Variants in MREG observed in about 807,000 individuals in gnomAD.
MREG encodes the protein melanoregulin.
A neutral mutation model predicts 28.5 loss-of-function variants in MREG; 31 were observed. The ratio of observed to expected loss-of-function variants is 1.09; its 90% CI spans 0.82 to 1.47. The LOEUF (loss-of-function observed/expected upper bound fraction) is 1.47. Among genes scored for constraint, MREG ranks in the 40% most tolerant of loss-of-function variants. The pLI is 0.00. For synonymous variants in MREG, 106 were observed against 95.2 expected (o/e 1.11, Z -0.66); for missense variants, 256 against 257.4 (o/e 0.99, Z 0.04).
chr2:216,007,939 A>G (rs942973318), intron 1 of MREG, among the ~76,000 whole-genome samples: 1 of 152,192 alleles, frequency 6.6e-6, no homozygotes, highest in African/African-American at 2.4e-5. Context: ...AAACACATAA[A>G]AAAAGTTATG....
intron 1 of MREG, among the ~76,000 whole-genome samples, chr2:216,030,725 C>CT (rs549744417): frequency 0.48 from 70,151 of 144,666 alleles, 17,804 homozygotes; most frequent in Admixed American, 0.55. Context: ...GTATTTCTTT[C>CT]TTTCTTTTTT....
At position 215,942,985 on chromosome 2, in the gene MREG, C is replaced by G. The variant is rs1277256753; in HGVS notation, c.*1878G>C. 1.3e-5 allele frequency: 2 copies of G among 152,736 alleles called. No homozygotes were observed. The highest frequency in any genetic ancestry group is 2.9e-5 in the Non-Finnish European group (2 of 68,124). The allele number at this position is 152,736 out of a possible 1,614,324, so 9.5% of individuals were successfully genotyped here. ...AACTAGGAAGAATTTTCCTGAAACA[C>G]AGCAGTTAAATTGGTCTACAATGCA... is the stretch of plus-strand genomic sequence containing the variant. On this transcript the variant is annotated 3_prime_UTR_variant, in exon 5 of 5. Coordinates refer to ENST00000263268, the MANE Select transcript of MREG (RefSeq NM_018000.3).
At position 215,944,800 on chromosome 2, in the gene MREG, C is replaced by T. The variant is rs750162975; in HGVS notation, c.*63G>A. 4.7e-6 allele frequency: 7 copies of T among 1,488,804 alleles called. No homozygotes were observed. Among genetic ancestry groups the T allele is most frequent in the Non-Finnish European group, 6.4e-6 (7 of 1,098,456 alleles). 92.2% of individuals were successfully genotyped at this position (1,488,804 alleles called of 1,614,324 possible). A position where few individuals can be genotyped will look rare whatever the true frequency, so the allele number is the denominator to read the frequency against. On this transcript the variant is annotated 3_prime_UTR_variant, in exon 5 of 5. Coordinates refer to ENST00000263268, the MANE Select transcript of MREG (RefSeq NM_018000.3). ...CTCACTCTCTTCTACATGTAATTGT[C>T]CAACTTTGGTTGACTGCTGAGTCCT...
At chr2:216,032,009 A>G (rs1694718218) in intron 1 of MREG, among the ~76,000 whole-genome samples, 1 of 152,252 alleles carries the variant, frequency 6.6e-6, no homozygotes, top group South Asian at 2.1e-4. Flanking sequence ...TTCTTGGTTC[A>G]TCTGAGAACA....
At position 215,996,301 on chromosome 2, in the gene MREG, C is replaced by CAAAG; in HGVS notation, c.255+4_255+5insCTTT. On this transcript the variant is annotated splice_donor_region_variant and intron_variant, in intron 2 of 4. Transcript: ENST00000263268. Reference sequence around the variant, plus strand: ...GCGCACAGCAAGACATCAAAAGGTGCTCACCTCTGAGTCTTTGGCCTGCTG... The same window carrying CAAAG: ...GCGCACAGCAAGACATCAAAAGGTGCAAAGTCACCTCTGAGTCTTTGGCCTGCTG... 6.2e-7 allele frequency: 1 copy of CAAAG among 1,611,982 alleles called. No homozygotes were observed. Among genetic ancestry groups the CAAAG allele is most frequent in the Non-Finnish European group, 8.5e-7 (1 of 1,179,370 alleles).
chr2:215,964,301 T>C (rs1324458446), intron 2 of MREG, among the ~76,000 whole-genome samples: 2 of 152,040 alleles, frequency 1.3e-5, no homozygotes, highest in East Asian at 3.9e-4. Flanking sequence ...CTGGCCAACA[T>C]GGTGAAACCC....
chr2:215,952,802 T>C (rs991331886), intron 2 of MREG, among the ~76,000 whole-genome samples: 1 of 152,136 alleles, frequency 6.6e-6, no homozygotes, highest in Non-Finnish European at 1.5e-5. Context: ...TCCTCAGAGA[T>C]AGCTATTGTT....
chr2:215,950,690 T>C (rs1036433608), intron 2 of MREG, among the ~76,000 whole-genome samples: 6 of 152,226 alleles, frequency 3.9e-5, no homozygotes, highest in African/African-American at 1.4e-4. Flanking sequence ...CTAAAACCAG[T>C]AGAAGCATTG....
intron 1 of MREG, among the ~76,000 whole-genome samples, chr2:216,028,411 C>T (rs1694629029): frequency 6.6e-6 from 1 of 151,728 alleles, no homozygotes; most frequent in Admixed American, 6.6e-5. Context: ...ACCTGTAGTC[C>T]CAGCTACTCG....
intron 1 of MREG, among the ~76,000 whole-genome samples, chr2:216,024,932 G>A (rs1466745681): frequency 1.4e-4 from 10 of 73,668 alleles, no homozygotes; most frequent in African/African-American, 2.6e-4. Flanking sequence ...AAAAAGGAAC[G>A]GAAAGGAAGG....
downstream of MREG, among the ~76,000 whole-genome samples, chr2:215,940,111 C>T (rs1553545333): frequency 1.3e-5 from 2 of 152,158 alleles, no homozygotes; most frequent in Non-Finnish European, 2.9e-5. Flanking sequence ...AATCTGGTTG[C>T]CTGACTTAGT....
intron 2 of MREG, among the ~76,000 whole-genome samples, chr2:215,957,808 G>T (rs967064224): frequency 6.6e-6 from 1 of 152,062 alleles, no homozygotes; most frequent in African/African-American, 2.4e-5. Context: ...ATGCTTGTGA[G>T]ATTACAGCTT....
At chr2:216,007,078 G>A (rs778526549) in intron 1 of MREG, among the ~76,000 whole-genome samples, 3 of 152,148 alleles carry the variant, frequency 2.0e-5, no homozygotes, top group African/African-American at 7.2e-5. Flanking sequence ...GTTCGACCAC[G>A]TGTGCCTCTA....
At chr2:215,951,869 T>G (rs1406707932) in intron 2 of MREG, among the ~76,000 whole-genome samples, 3 of 152,214 alleles carry the variant, frequency 2.0e-5, no homozygotes, top group Admixed American at 1.3e-4. Context: ...CTCAGATCAC[T>G]TTCTCATGCA....
In MREG at chr2:215,944,827, A is replaced by G. The variant is rs1334643166; in HGVS notation, c.*36T>C. 1 of 1,556,028 alleles carries G rather than the reference A, an allele frequency of 6.4e-7. No individual in the cohort carries two copies. Among genetic ancestry groups the G allele is most frequent in the Non-Finnish European group, 8.8e-7 (1 of 1,137,508 alleles). Reference sequence around the variant, plus strand: ...AACTTTGGTTGACTGCTGAGTCCTCATGGAAGAATTCCCATTCTGCCCCTG... The same window carrying G: ...AACTTTGGTTGACTGCTGAGTCCTCGTGGAAGAATTCCCATTCTGCCCCTG... On this transcript the variant is annotated 3_prime_UTR_variant, in exon 5 of 5. Coordinates refer to ENST00000263268, the MANE Select transcript of MREG (RefSeq NM_018000.3).
intron 2 of MREG, among the ~76,000 whole-genome samples, chr2:215,980,609 T>G (rs1693399158): frequency 6.6e-6 from 1 of 152,172 alleles, no homozygotes; most frequent in South Asian, 2.1e-4. Flanking sequence ...GTCAGCTATT[T>G]TTTTATTGAG....
Position 215,985,712 on chromosome 2 carries a change from T to C in MREG, c.255+10594A>G, listed in dbSNP as rs543538739. ...AGGAGAATGCAGATTGTACATACAC[T>C]GTCTTGAATTTATTTGTTATCATTC... On this transcript the variant is annotated intron_variant, in intron 2 of 4. Coordinates refer to ENST00000263268, the MANE Select transcript of MREG (RefSeq NM_018000.3). Among the ~76,000 whole-genome samples, 8 of 152,346 alleles carry C rather than the reference T, an allele frequency of 5.3e-5. No homozygotes were observed. The South Asian group carries it at 1.7e-3, about 32-fold the overall frequency.
At chr2:215,960,277 A>T (rs982852794) in intron 2 of MREG, among the ~76,000 whole-genome samples, 4 of 152,142 alleles carry the variant, frequency 2.6e-5, no homozygotes, top group African/African-American at 7.2e-5. Flanking sequence ...TACAATAGGT[A>T]TCTATAATGT....
At chr2:216,003,289 T>G (rs571119939) in intron 1 of MREG, among the ~76,000 whole-genome samples, 1 of 152,132 alleles carries the variant, frequency 6.6e-6, no homozygotes, top group Non-Finnish European at 1.5e-5. Context: ...CCCACTCTGA[T>G]GTGCTCCTAC....
Sources: allele counts gnomAD v4.1 joint callset (sites outside exome capture counted in the v4.1 genomes callset), GRCh38; gene constraint gnomAD v4.1.1; transcripts MANE v1.5; gene names NCBI Gene and HGNC (gene_info 2026-07-23, HGNC 2026-07-21).